The following WWOX variants were observed in gnomAD, a reference collection of about 807,000 sequenced individuals.
WWOX encodes the protein WW domain containing oxidoreductase.
Under a neutral mutation model 46.2 loss-of-function variants are expected in WWOX, and 69 were observed. The ratio of observed to expected loss-of-function variants is 1.49; its 90% confidence interval spans 1.23 to 1.82. The LOEUF (loss-of-function observed/expected upper bound fraction) is 1.82, where lower values mean the gene tolerates loss of function less well. Ranked by LOEUF, WWOX falls within the 40% of genes most tolerant of loss-of-function variation. The pLI is 0.00. For missense variants in WWOX, 919 were observed against 542.6 expected (o/e 1.69, Z -6.89); for synonymous variants, 359 against 202.6 (o/e 1.77, Z -6.56).
intron 8 of WWOX, among the ~76,000 whole-genome samples, chr16:78,675,296 T>G (rs1398408910): frequency 6.6e-6 from 1 of 152,172 alleles, no homozygotes; most frequent in Non-Finnish European, 1.5e-5. Context: ...CAGCTGTAAT[T>G]GAGACAAGAA....
At chr16:78,788,926 A>G (rs2142583251) in intron 8 of WWOX, among the ~76,000 whole-genome samples, 1 of 152,310 alleles carries the variant, frequency 6.6e-6, no homozygotes, top group South Asian at 2.1e-4. Flanking sequence ...ATGTGGGGAA[A>G]GTTGAGTTGT....
intron 8 of WWOX, among the ~76,000 whole-genome samples, chr16:78,603,706 A>C (rs1316133289): frequency 6.6e-6 from 1 of 152,098 alleles, no homozygotes; most frequent in Non-Finnish European, 1.5e-5. Flanking sequence ...TAAGTAAATA[A>C]ATATAAAATA....
At chr16:79,026,773 A>G (rs1360690802) in intron 8 of WWOX, among the ~76,000 whole-genome samples, 4 of 128,930 alleles carry the variant, frequency 3.1e-5, no homozygotes, top group Non-Finnish European at 6.3e-5. Flanking sequence ...GACTGCCACC[A>G]CGCCCGGCTA....
At chr16:78,702,271 C>G (rs1250630353) in intron 8 of WWOX, among the ~76,000 whole-genome samples, 1 of 150,336 alleles carries the variant, frequency 6.7e-6, no homozygotes, top group African/African-American at 2.4e-5. Context: ...CAGAGTGAGA[C>G]TTTGTCTCAA....
chr16:78,251,323 A>G (rs1375148399), intron 5 of WWOX, among the ~76,000 whole-genome samples: 2 of 152,136 alleles, frequency 1.3e-5, no homozygotes. Context: ...AATAAATGCT[A>G]GTTCATCTGG....
At chr16:78,634,197 T>C (rs924410261) in intron 8 of WWOX, among the ~76,000 whole-genome samples, 1 of 152,196 alleles carries the variant, frequency 6.6e-6, no homozygotes, top group African/African-American at 2.4e-5. Flanking sequence ...TAAATACAAA[T>C]GTCCAGGAGA....
intron 4 of WWOX, among the ~76,000 whole-genome samples, chr16:78,151,265 C>G (rs899733054): frequency 6.6e-6 from 1 of 152,118 alleles, no homozygotes; most frequent in African/African-American, 2.4e-5. Context: ...CACAAATCCA[C>G]AGTCACATGG....
At chr16:78,736,140 A>C (rs916768277) in intron 8 of WWOX, among the ~76,000 whole-genome samples, 2 of 152,232 alleles carry the variant, frequency 1.3e-5, no homozygotes, top group Non-Finnish European at 2.9e-5. Flanking sequence ...GAAAGGAGAC[A>C]GAAGTGAAGA....
chr16:78,338,887 T>C (rs1430236462), intron 5 of WWOX, among the ~76,000 whole-genome samples: 1 of 121,532 alleles, frequency 8.2e-6, no homozygotes, highest in Non-Finnish European at 2.0e-5. Flanking sequence ...ATTAAATTTT[T>C]ACGTAAAAAG....
chr16:78,717,878 T>C, intron 8 of WWOX, among the ~76,000 whole-genome samples: 1 of 152,196 alleles, frequency 6.6e-6, no homozygotes, highest in Non-Finnish European at 1.5e-5. Context: ...AGGAAGGAGC[T>C]GTGTACTGGT....
intron 8 of WWOX, among the ~76,000 whole-genome samples, chr16:78,718,950 C>G (rs1027319144): frequency 7.3e-5 from 11 of 151,700 alleles, no homozygotes; most frequent in African/African-American, 2.7e-4. Flanking sequence ...TTGAAATAAT[C>G]TGCACTAACC....
intron 8 of WWOX, among the ~76,000 whole-genome samples, chr16:79,189,807 GA>G (rs900872493): frequency 2.6e-5 from 4 of 151,092 alleles, no homozygotes; most frequent in African/African-American, 9.7e-5. Flanking sequence ...GGAGGGGGGG[GA>G]TATTTATTTG....
intron 8 of WWOX, among the ~76,000 whole-genome samples, chr16:78,668,130 A>C (rs2047375209): frequency 6.6e-6 from 1 of 152,140 alleles, no homozygotes; most frequent in Non-Finnish European, 1.5e-5. Flanking sequence ...AATACAAAAA[A>C]TTAGCCAGCT....
intron 8 of WWOX, among the ~76,000 whole-genome samples, chr16:78,493,680 C>G (rs1006733332): frequency 1.3e-5 from 2 of 152,138 alleles, no homozygotes; most frequent in Non-Finnish European, 2.9e-5. Context: ...TAATCCACAG[C>G]ACTCCTTCTG....
chr16:78,593,620 CAG>C (rs2045403100), intron 8 of WWOX, among the ~76,000 whole-genome samples: 1 of 152,040 alleles, frequency 6.6e-6, no homozygotes, highest in Admixed American at 6.6e-5. Flanking sequence ...CCACAGTTGA[CAG>C]GGGGAGGTAT....
chr16:78,665,820 G>A (rs2047317864), intron 8 of WWOX, among the ~76,000 whole-genome samples: 1 of 152,106 alleles, frequency 6.6e-6, no homozygotes, highest in South Asian at 2.1e-4. Context: ...AAGTAGCTGG[G>A]ATTACAGGCA....
intron 8 of WWOX, among the ~76,000 whole-genome samples, chr16:78,709,879 C>G (rs2048403068): frequency 6.6e-6 from 1 of 152,030 alleles, no homozygotes; most frequent in Non-Finnish European, 1.5e-5. Flanking sequence ...CAGGCACCCG[C>G]CACCCGACGC....
chr16:78,734,175 G>C (rs1164610834), intron 8 of WWOX, among the ~76,000 whole-genome samples: 1 of 152,118 alleles, frequency 6.6e-6, no homozygotes, highest in Non-Finnish European at 1.5e-5. Context: ...TAGAGACTTA[G>C]GATTTCCAGT....
intron 8 of WWOX, among the ~76,000 whole-genome samples, chr16:79,167,042 A>G (rs1457718249): frequency 6.6e-6 from 1 of 152,086 alleles, no homozygotes; most frequent in African/African-American, 2.4e-5. Context: ...CCAGGTTCAA[A>G]CAATTCTCAT....
Sources: gnomAD v4.1 joint callset for allele counts (sites outside exome capture counted in the v4.1 genomes callset) on GRCh38, gnomAD v4.1.1 for gene constraint, MANE v1.5 for transcripts, NCBI Gene and HGNC (gene_info 2026-07-23, HGNC 2026-07-21) for gene names.